The following CGNL1 variants were observed in gnomAD, a reference collection of about 807,000 sequenced individuals.
CGNL1 encodes the protein cingulin-like protein 1.
Under a neutral mutation model 141.2 loss-of-function variants are expected in CGNL1, and 132 were observed. The ratio of observed to expected loss-of-function variants is 0.93; its 90% CI spans 0.81 to 1.08. The LOEUF (loss-of-function observed/expected upper bound fraction) is 1.08, where lower values mean the gene tolerates loss of function less well. Ranked by LOEUF, CGNL1 falls within the 50% of genes least tolerant of loss-of-function variation. The pLI is 0.00. For missense variants in CGNL1, 1,870 were observed against 1,588.6 expected (o/e 1.18, Z -3.01); for synonymous variants, 690 against 622.1 (o/e 1.11, Z -1.63).
intron 1 of CGNL1, among the ~76,000 whole-genome samples, chr15:57,413,632 C>T (rs1472153395): frequency 6.6e-6 from 1 of 152,194 alleles, no homozygotes; most frequent in Non-Finnish European, 1.5e-5. Context: ...TCTTTTTTCT[C>T]TTTTCTTTTA....
chr15:57,400,163 T>C (rs2062644149), intron 1 of CGNL1, among the ~76,000 whole-genome samples: 2 of 151,944 alleles, frequency 1.3e-5, no homozygotes, highest in Non-Finnish European at 2.9e-5. Context: ...CTAGCCAAGT[T>C]TTAAATTTTT....
At chr15:57,521,716 C>G (rs1462338940) in intron 10 of CGNL1, among the ~76,000 whole-genome samples, 1 of 152,140 alleles carries the variant, frequency 6.6e-6, no homozygotes, top group Non-Finnish European at 1.5e-5. Context: ...AAGAGCCAGG[C>G]AGCCCTGCCT....
intron 1 of CGNL1, among the ~76,000 whole-genome samples, chr15:57,432,716 G>A (rs2063059797): frequency 6.6e-6 from 1 of 152,182 alleles, no homozygotes; most frequent in African/African-American, 2.4e-5. Context: ...AATTAATTCA[G>A]TGTTTACACT....
intron 1 of CGNL1, among the ~76,000 whole-genome samples, chr15:57,380,907 C>T (rs1458542963): frequency 1.3e-5 from 2 of 152,196 alleles, no homozygotes; most frequent in Non-Finnish European, 2.9e-5. Flanking sequence ...GCAGCTGCAG[C>T]ACTTTTTGGA....
Position 57,542,828 on chromosome 15 carries a change from C to G in CGNL1, c.3292-868C>G, listed in dbSNP as rs116828975. Among the ~76,000 whole-genome samples the G allele has an allele frequency of 2.9e-3, 445 of 152,288 alleles. 3 individuals carry two copies. The highest frequency in any genetic ancestry group is 0.01 in the African/African-American group (431 of 41,566). On this transcript the variant is annotated intron_variant, in intron 14 of 18. Transcript: ENST00000281282. ...TGTCCCAGTTCAGCATGGAAACAGC[C>G]TGAGAACATCCTCAGTCCAGGCAAA...
chr15:57,493,663 C>T (rs1159550042), intron 8 of CGNL1, among the ~76,000 whole-genome samples: 2 of 151,994 alleles, frequency 1.3e-5, no homozygotes, highest in African/African-American at 4.8e-5. Flanking sequence ...TCGTAAGCTC[C>T]ACTCCCTGGC....
chr15:57,398,789 A>G (rs2062629473), intron 1 of CGNL1, among the ~76,000 whole-genome samples: 1 of 152,234 alleles, frequency 6.6e-6, no homozygotes, highest in Non-Finnish European at 1.5e-5. Context: ...TGAATAGAGA[A>G]CACCGTACTT....
At chr15:57,541,676 C>G (rs1320240384) in intron 14 of CGNL1, among the ~76,000 whole-genome samples, 1 of 152,210 alleles carries the variant, frequency 6.6e-6, no homozygotes, top group Non-Finnish European at 1.5e-5. Flanking sequence ...CATTTGAACT[C>G]TAGGCCTATT....
intron 8 of CGNL1, among the ~76,000 whole-genome samples, chr15:57,489,705 C>A (rs2063832260): frequency 6.6e-6 from 1 of 152,092 alleles, no homozygotes; most frequent in Non-Finnish European, 1.5e-5. Flanking sequence ...CTATTCTGTT[C>A]CTCTTAAGTT....
intron 10 of CGNL1, among the ~76,000 whole-genome samples, chr15:57,519,883 C>T (rs557488778): frequency 2.6e-5 from 4 of 152,346 alleles, no homozygotes; most frequent in Admixed American, 2.6e-4. Context: ...TTTGGTCAAA[C>T]AGGAACTTTT....
In CGNL1 at chr15:57,516,744, C is replaced by G. The variant is rs758105135; in HGVS notation, c.2404-36C>G. The G allele has an allele frequency of 1.9e-6, 3 of 1,598,726 alleles. No homozygotes were observed. The African/African-American group carries it at 4.0e-5, about 21-fold the overall frequency. On this transcript the variant is annotated intron_variant, in intron 8 of 18. Transcript: ENST00000281282. ...CAGCCTGGGGACAGCTCCTTGACAT[C>G]AGTCTCCTTGTTCATTTGCTTTGTG...
chr15:57,528,566 T>A, intron 12 of CGNL1, 88 bp from the exon 13 acceptor site: 2 of 1,338,524 alleles, frequency 1.5e-6, no homozygotes, highest in African/African-American at 2.9e-5. Context: ...GATCTTCCTT[T>A]TGGTGGGGTC....
chr15:57,466,259 GTCT>G (rs1460862669), intron 8 of CGNL1, among the ~76,000 whole-genome samples: 5 of 152,132 alleles, frequency 3.3e-5, no homozygotes, highest in African/African-American at 7.2e-5. Flanking sequence ...AAAAGGAAAT[GTCT>G]TCTTCTTCCT....
In CGNL1 at chr15:57,506,230, G is replaced by A. The variant is rs1415990806; in HGVS notation, c.2404-10550G>A. Among the ~76,000 whole-genome samples the A allele has an allele frequency of 2.6e-5, 4 of 152,234 alleles. No individual in the cohort carries two copies. The East Asian group carries it at 7.7e-4, about 29-fold the overall frequency. On this transcript the variant is annotated intron_variant, in intron 8 of 18. Coordinates refer to ENST00000281282, the MANE Select transcript of CGNL1 (RefSeq NM_032866.5). ...ATTTTCCTAGTGACGCAGAGCGCTGGAAGCAGGGCATTGTCTGGGTGGAGT... is the reference window on the plus strand; with the variant it reads ...ATTTTCCTAGTGACGCAGAGCGCTGAAAGCAGGGCATTGTCTGGGTGGAGT...
At chr15:57,405,790 CTTTCTT>C (rs2062711379) in intron 1 of CGNL1, among the ~76,000 whole-genome samples, 2 of 122,440 alleles carry the variant, frequency 1.6e-5, no homozygotes, top group Non-Finnish European at 3.3e-5. Context: ...TTCTTTCTTT[CTTTCTT>C]TCTTTCTTTC....
At chr15:57,422,408 T>C (rs1472290185) in intron 1 of CGNL1, among the ~76,000 whole-genome samples, 2 of 152,128 alleles carry the variant, frequency 1.3e-5, no homozygotes, top group African/African-American at 2.4e-5. Flanking sequence ...ATAAATTGTG[T>C]GTTGGTTTTT....
intron 11 of CGNL1, 118 bp downstream of exon 11, chr15:57,523,759 CAGGGAT>C (rs2031428858): frequency 2.3e-5 from 24 of 1,026,776 alleles, no homozygotes; most frequent in Middle Eastern, 3.2e-4. Flanking sequence ...ACAAAAGTGT[CAGGGAT>C]TTGCAGATCC....
chr15:57,427,724 C>T (rs1361919919), intron 1 of CGNL1, among the ~76,000 whole-genome samples: 3 of 151,852 alleles, frequency 2.0e-5, no homozygotes, highest in Admixed American at 6.6e-5. Context: ...GAGGATGTTC[C>T]GGGAGCCAGG....
At chr15:57,511,376 A>C (rs1217413923) in intron 8 of CGNL1, among the ~76,000 whole-genome samples, 1 of 152,208 alleles carries the variant, frequency 6.6e-6, no homozygotes, top group Non-Finnish European at 1.5e-5. Context: ...TAATTTATTT[A>C]ACTAGTACCT....
Sources: gnomAD v4.1 joint callset for allele counts (sites outside exome capture counted in the v4.1 genomes callset) on GRCh38, gnomAD v4.1.1 for gene constraint, MANE v1.5 for transcripts, NCBI Gene and HGNC (gene_info 2026-07-23, HGNC 2026-07-21) for gene names.